ODR4: variants seen among roughly 807,000 people sequenced by gnomAD.
ODR4 encodes the protein protein odr-4 homolog.
In ODR4, 47 loss-of-function variants were observed where a neutral mutation model predicts 60.2. The ratio of observed to expected loss-of-function variants is 0.78; its 90% CI spans 0.62 to 1.00. The LOEUF (loss-of-function observed/expected upper bound fraction) is 1.00. Ranked by LOEUF, ODR4 falls within the 50% of genes least tolerant of loss-of-function variation. The probability of loss-of-function intolerance (pLI) is 0.00; values close to 1 mark genes in which losing one functional copy is unlikely to be tolerated. For missense variants in ODR4, 488 were observed against 530.8 expected (o/e 0.92, Z 0.79); for synonymous variants, 178 against 175.5 (o/e 1.01, Z -0.11).
chr1:186,384,139 A>T (rs1660152848), intron 3 of ODR4, among the ~76,000 whole-genome samples: 1 of 152,194 alleles, frequency 6.6e-6, no homozygotes, highest in South Asian at 2.1e-4. Context: ...TATAAAGAAA[A>T]AAAGGCCTGT....
chr1:186,389,591 A>G lies in ODR4; in HGVS notation c.441A>G (p.Ile147Met). The stretch of plus-strand genomic sequence containing the variant: ...TTTCTGTCCTTAATTAGTGAAGAAT[A>G]TTTTGTCGAACTTATGATATCCATG... The part of the protein sequence containing the change: ...TLHICASTKK[I>M]FCRTYDIHDP... Residue 147 changes from isoleucine (I) to methionine (M), a missense_variant, in exon 6 of 14, where the codon ATA becomes ATG. By Grantham distance (10) the Ile-to-Met change is conservative (BLOSUM62 1). Coordinates refer to ENST00000287859, the MANE Select transcript of ODR4 (RefSeq NM_017847.6). The G allele has an allele frequency of 6.5e-7, 1 of 1,540,388 alleles. No homozygotes were observed. The highest frequency in any genetic ancestry group is 8.8e-7 in the Non-Finnish European group (1 of 1,133,336).
the ODR4 span, among the ~76,000 whole-genome samples, chr1:186,426,701 G>T: frequency 3.1e-4 from 47 of 152,154 alleles, no homozygotes; most frequent in Non-Finnish European, 5.4e-4. Flanking sequence ...TGTAGAGAGA[G>T]AAAGAATTGA....
chr1:186,398,678 T>C lies in ODR4; in HGVS notation c.909+237T>C, dbSNP rs1356270006. ...AAGTTTAGTAAGTGTTCCACTGTTA[T>C]ACATATTAGTATCTAATTTGGAACA... On this transcript the variant is annotated intron_variant, in intron 10 of 13. Transcript: ENST00000287859. Among the ~76,000 whole-genome samples, 5 of 152,196 alleles carry C rather than the reference T, an allele frequency of 3.3e-5. No individual in the cohort carries two copies. In the East Asian group the frequency reaches 5.8e-4, roughly 18 times the overall value.
chr1:186,403,199 A>G lies in ODR4; in HGVS notation c.1001-2884A>G, dbSNP rs889329223. Among the ~76,000 whole-genome samples the G allele has an allele frequency of 5.3e-5, 8 of 152,176 alleles. No individual in the cohort carries two copies. In the East Asian group the frequency reaches 1.3e-3, roughly 26 times the overall value. On this transcript the variant is annotated intron_variant, in intron 11 of 13. Transcript: ENST00000287859. ...CTTAGGTATCAAGATAAAAGAATACATTGTAAGTGTGATAATATAAATAAA... is the reference window on the plus strand; with the variant it reads ...CTTAGGTATCAAGATAAAAGAATACGTTGTAAGTGTGATAATATAAATAAA...
intron 8 of ODR4, among the ~76,000 whole-genome samples, chr1:186,392,312 T>G (rs949678651): frequency 2.0e-5 from 3 of 152,182 alleles, no homozygotes; most frequent in Non-Finnish European, 4.4e-5. Flanking sequence ...ATAAATTGTT[T>G]TATTGTAAAG....
Position 186,411,741 on chromosome 1 carries a change from C to G in ODR4, c.1186+5473C>G, listed in dbSNP as rs535056847. On this transcript the variant is annotated intron_variant, in intron 12 of 13. Transcript: ENST00000287859. ...CTTTCATAAACTTTTAATATTAAAA[C>G]TTAGTTATATGTTTCACACTGTATT... 10 of 304,578 alleles carry G rather than the reference C, an allele frequency of 3.3e-5. No individual in the cohort carries two copies. In the South Asian group the frequency reaches 1.0e-3, roughly 32 times the overall value. The allele number at this position is 304,578 out of a possible 1,614,324, so 18.9% of individuals were successfully genotyped here.
In ODR4 at chr1:186,396,153, T is replaced by C. The variant is rs75385973; in HGVS notation, c.780+2138T>C. Among the ~76,000 whole-genome samples the C allele has an allele frequency of 5.9e-3, 901 of 152,342 alleles. 12 individuals are homozygous for C. The highest frequency in any genetic ancestry group is 0.02 in the African/African-American group (845 of 41,580). On this transcript the variant is annotated intron_variant, in intron 9 of 13. Coordinates refer to ENST00000287859, the MANE Select transcript of ODR4 (RefSeq NM_017847.6). Reference sequence around the variant, plus strand: ...TTCCCATAGAAATGGGGATCTTCTCTTTTTCAAATGCCATGTCAGCATCAT... The same window carrying C: ...TTCCCATAGAAATGGGGATCTTCTCCTTTTCAAATGCCATGTCAGCATCAT...
downstream of ODR4, among the ~76,000 whole-genome samples, chr1:186,423,064 A>G (rs1256500447): frequency 6.6e-6 from 1 of 152,220 alleles, no homozygotes; most frequent in Non-Finnish European, 1.5e-5. Flanking sequence ...ACTGCAATTT[A>G]CTTAAATTGG....
intron 11 of ODR4, among the ~76,000 whole-genome samples, chr1:186,402,903 A>G (rs982661041): frequency 6.6e-6 from 1 of 152,170 alleles, no homozygotes; most frequent in African/African-American, 2.4e-5. Context: ...TATATAAAAT[A>G]GGAATTATGG....
At chr1:186,416,483 C>G (rs1661569278) in intron 12 of ODR4, among the ~76,000 whole-genome samples, 1 of 152,004 alleles carries the variant, frequency 6.6e-6, no homozygotes. Context: ...ACCAGCCTGG[C>G]CAACATGGCA....
intron 9 of ODR4, among the ~76,000 whole-genome samples, chr1:186,396,233 T>C (rs890209524): frequency 1.3e-5 from 2 of 152,282 alleles, no homozygotes; most frequent in Middle Eastern, 6.8e-3. Flanking sequence ...TAAGTCCAAA[T>C]AACCAAGAGG....
intron 12 of ODR4, among the ~76,000 whole-genome samples, chr1:186,408,703 A>G (rs1661263605): frequency 1.3e-5 from 2 of 150,860 alleles, no homozygotes; most frequent in African/African-American, 4.8e-5. Flanking sequence ...TATAAAATAT[A>G]TCATGTTTAT....
the ODR4 span, among the ~76,000 whole-genome samples, chr1:186,431,799 T>C: frequency 3.9e-5 from 6 of 152,086 alleles, no homozygotes; most frequent in Non-Finnish European, 8.8e-5. Context: ...GGATAAAAGG[T>C]TGAAAATAGA....
chr1:186,406,691 T>C (rs1168613839), intron 12 of ODR4, among the ~76,000 whole-genome samples: 2 of 152,160 alleles, frequency 1.3e-5, no homozygotes, highest in Non-Finnish European at 1.5e-5. Context: ...ATTTGCCTTT[T>C]TTTTTTCATA....
chr1:186,404,573 C>T (rs2102069152), intron 11 of ODR4, among the ~76,000 whole-genome samples: 1 of 152,252 alleles, frequency 6.6e-6, no homozygotes, highest in East Asian at 1.9e-4. Flanking sequence ...GTCCTAATTT[C>T]AATGTGTGGA....
chr1:186,402,611 A>G (rs1009540665), intron 11 of ODR4, among the ~76,000 whole-genome samples: 13 of 149,582 alleles, frequency 8.7e-5, no homozygotes, highest in South Asian at 8.5e-4. Context: ...AGTCTTTGCT[A>G]TGTTGTCCAG....
At position 186,401,121 on chromosome 1, in the gene ODR4, C is replaced by G. The variant is rs1273194662; in HGVS notation, c.1000+2077C>G. ...TAGTATACTCTTCTATTTAAAAATC[C>G]TTTATAAAAGTGGTATTATATGGCT... is the stretch of plus-strand genomic sequence containing the variant. On this transcript the variant is annotated intron_variant, in intron 11 of 13. Coordinates refer to ENST00000287859, the MANE Select transcript of ODR4 (RefSeq NM_017847.6). 5.6e-6 allele frequency: 9 copies of G among 1,594,690 alleles called. No homozygotes were observed. The highest frequency in any genetic ancestry group is 1.3e-5 in the African/African-American group (1 of 74,546).
At chr1:186,402,187 A>ATTCTTTCCTTCTTTCT (rs1660990136) in intron 11 of ODR4, among the ~76,000 whole-genome samples, 2 of 135,424 alleles carry the variant, frequency 1.5e-5, no homozygotes, top group Non-Finnish European at 3.1e-5. Context: ...TAGGCATCCT[A>ATTCTTTCCTTCTTTCT]TTCTTTCTTT....
At chr1:186,431,382 TC>T in the ODR4 span, among the ~76,000 whole-genome samples, 1 of 152,066 alleles carries the variant, frequency 6.6e-6, no homozygotes, top group African/African-American at 2.4e-5. Context: ...TGTGTATTTT[TC>T]CCCCAGCAAT....
Sources: gnomAD v4.1 joint callset for allele counts (sites outside exome capture counted in the v4.1 genomes callset) on GRCh38, gnomAD v4.1.1 for gene constraint, MANE v1.5 for transcripts, NCBI Gene and HGNC (gene_info 2026-07-23, HGNC 2026-07-21) for gene names.